C2CD2L: variants seen among roughly 807,000 people sequenced by gnomAD.
C2CD2L encodes phospholipid transfer protein C2CD2L.
In C2CD2L, 24 loss-of-function variants were observed where a neutral mutation model predicts 69.9. The ratio of observed to expected loss-of-function variants is 0.34; its 90% confidence interval spans 0.25 to 0.48. C2CD2L has a LOEUF of 0.48. Among genes scored for constraint, C2CD2L ranks in the 20% least tolerant of loss-of-function variants. C2CD2L has a pLI of 0.99. For synonymous variants in C2CD2L, 367 were observed against 391.0 expected (o/e 0.94, Z 0.72); for missense variants, 811 against 941.5 (o/e 0.86, Z 1.81).
In C2CD2L at chr11:119,108,110, G is replaced by T. The variant is rs771051907; in HGVS notation, c.354+15G>T. On this transcript the variant is annotated intron_variant, in intron 1 of 13. Coordinates refer to ENST00000648610, the MANE Select transcript of C2CD2L (RefSeq NM_001290474.2). ...GCAGAAACGGGGTGAGTTGGACCAA[G>T]CGCTTGGGTGGTCCCTTCAGCCTTT... 6.5e-7 allele frequency: 1 copy of T among 1,544,728 alleles called. No homozygotes were observed. The highest frequency in any genetic ancestry group is 8.8e-7 in the Non-Finnish European group (1 of 1,133,562).
intron 1 of C2CD2L, chr11:119,108,428 C>T (rs952587198): frequency 1.9e-5 from 5 of 267,480 alleles, no homozygotes; most frequent in South Asian, 1.2e-4. Flanking sequence ...GACAGGTGCA[C>T]CTGCAGAAGG....
Position 119,112,541 on chromosome 11 carries a change from A to C in C2CD2L, c.1144A>C (p.Arg382=). Residue 382 remains arginine (R), a synonymous_variant, in exon 9 of 14, where the codon AGA becomes CGA. Coordinates refer to ENST00000648610, the MANE Select transcript of C2CD2L (RefSeq NM_001290474.2). ...VGSPSRPLSR[R]QLCPLTPGPG... is the part of the protein sequence containing the mutation. The stretch of plus-strand genomic sequence containing the variant: ...CTCCCCCTCCAGACCACTGTCTCGA[A>C]GACAGTTGTGCCCACTCACCCCAGG... 2.5e-6 allele frequency: 4 copies of C among 1,613,556 alleles called. No homozygotes were observed. The highest frequency in any genetic ancestry group is 3.4e-6 in the Non-Finnish European group (4 of 1,179,850).
upstream of C2CD2L, among the ~76,000 whole-genome samples, chr11:119,103,890 G>C (rs1406943242): frequency 1.3e-5 from 2 of 152,164 alleles, no homozygotes; most frequent in African/African-American, 4.8e-5. Context: ...GTGTATGCAC[G>C]TGTGCCCCTT....
intron 10 of C2CD2L, chr11:119,113,261 G>A (rs973717648): frequency 2.6e-6 from 1 of 386,414 alleles, no homozygotes; most frequent in African/African-American, 2.0e-5. Flanking sequence ...AGAGGCCTCT[G>A]TGGCATTTCT....
In C2CD2L at chr11:119,117,096, A is replaced by T. The variant is rs2134980950; in HGVS notation, c.*840A>T. On this transcript the variant is annotated 3_prime_UTR_variant, in exon 14 of 14. Coordinates refer to ENST00000648610, the MANE Select transcript of C2CD2L (RefSeq NM_001290474.2). Reference sequence around the variant, plus strand: ...TGTGTGATGGCTTGGAATTTAATTTATTAAAGTCAAATTGGAGTTTATAAA... The same window carrying T: ...TGTGTGATGGCTTGGAATTTAATTTTTTAAAGTCAAATTGGAGTTTATAAA... 1 of 152,782 alleles carries T rather than the reference A, an allele frequency of 6.5e-6. No individual in the cohort carries two copies. Among genetic ancestry groups the T allele is most frequent in the South Asian group, 2.1e-4 (1 of 4,830 alleles). 9.5% of individuals were successfully genotyped at this position (152,782 alleles called of 1,614,324 possible).
intron 10 of C2CD2L, 34 bp from the exon 11 acceptor site, chr11:119,113,577 A>T (rs4938630): frequency 1.3e-6 from 2 of 1,594,558 alleles, no homozygotes; most frequent in South Asian, 2.3e-5. Context: ...CTCTGAAGCA[A>T]CTCCCAGCTC....
upstream of C2CD2L, among the ~76,000 whole-genome samples, chr11:119,103,482 A>G (rs1946542129): frequency 6.6e-6 from 1 of 152,128 alleles, no homozygotes; most frequent in Non-Finnish European, 1.5e-5. Context: ...GGCTCACTTG[A>G]GGTCAGGAGT....
At position 119,111,506 on chromosome 11, in the gene C2CD2L, T is replaced by C. The variant is rs1276757609; in HGVS notation, c.911-15T>C. The C allele has an allele frequency of 2.5e-6, 4 of 1,613,104 alleles. No individual in the cohort carries two copies. In the South Asian group the frequency reaches 4.4e-5, roughly 18 times the overall value. ...TCTCTGATCTGAGCATCTTCTAACT[T>C]CTGGTTCATCACAGGCACCGAGGAA... On this transcript the variant is annotated splice_polypyrimidine_tract_variant and intron_variant, in intron 6 of 13. Transcript: ENST00000648610.
rs1946892359 is a variant in C2CD2L, at chr11:119,116,309, T to C, written c.*53T>C. ...CTCTCAGCCCATTCCCCACCTCCCC[T>C]TCCATACCCCTTCCTGGATCTCCAG... On this transcript the variant is annotated 3_prime_UTR_variant, in exon 14 of 14. Transcript: ENST00000648610. 2 of 1,387,208 alleles carry C rather than the reference T, an allele frequency of 1.4e-6. No individual in the cohort carries two copies. Among genetic ancestry groups the C allele is most frequent in the Admixed American group, 3.4e-5 (2 of 58,510 alleles). 85.9% of individuals were successfully genotyped at this position (1,387,208 alleles called of 1,614,324 possible).
rs754543575 is a variant in C2CD2L at position 119,111,343 on chromosome 11, T to C, written c.879T>C (p.Leu293=). The part of the protein sequence containing the change: ...PRPNRLFLRQ[L]RASHLGNELE... Reference sequence around the variant, plus strand: ...CTAACCGGTTATTCCTACGGCAGCTTCGGGCATCTCACTTGGGAAATGAGC... The same window carrying C: ...CTAACCGGTTATTCCTACGGCAGCTCCGGGCATCTCACTTGGGAAATGAGC... The change falls in exon 6 of 14, where the codon CTT becomes CTC. Residue 293 remains leucine, a synonymous_variant. Coordinates refer to ENST00000648610, the MANE Select transcript of C2CD2L (RefSeq NM_001290474.2). 9.9e-6 allele frequency: 16 copies of C among 1,614,078 alleles called. No homozygotes were observed. Among genetic ancestry groups the C allele is most frequent in the Admixed American group, 5.0e-5 (3 of 60,008 alleles).
chr11:119,116,266 T>C lies in C2CD2L; in HGVS notation c.*10T>C, dbSNP rs758889752. 7 of 1,600,618 alleles carry C rather than the reference T, an allele frequency of 4.4e-6. No individual in the cohort carries two copies. Among genetic ancestry groups the C allele is most frequent in the Middle Eastern group, 1.7e-4 (1 of 6,040 alleles). ...CAGCCCCCAGCTCTGAGGACCCAGC[T>C]CTGAAAGGGCACGAGTTCTCTCAGC... On this transcript the variant is annotated 3_prime_UTR_variant, in exon 14 of 14. Transcript: ENST00000648610.
upstream of C2CD2L, among the ~76,000 whole-genome samples, chr11:119,105,146 T>C (rs1013965938): frequency 6.6e-6 from 1 of 152,208 alleles, no homozygotes; most frequent in Non-Finnish European, 1.5e-5. Context: ...CAAACTAATA[T>C]AATTGCAGTT....
chr11:119,116,030 C>T lies in C2CD2L; in HGVS notation c.1910-15C>T. 1.9e-6 allele frequency: 3 copies of T among 1,612,836 alleles called. No individual in the cohort carries two copies. The highest frequency in any genetic ancestry group is 2.5e-6 in the Non-Finnish European group (3 of 1,179,630). ...CGTGCCCCTCTCTGCCTCAGCTTCC[C>T]CTCTTCCCCTGCAGTGAGTTTCCTG... On this transcript the variant is annotated splice_polypyrimidine_tract_variant and intron_variant, in intron 13 of 13. Coordinates refer to ENST00000648610, the MANE Select transcript of C2CD2L (RefSeq NM_001290474.2).
chr11:119,110,884 T>C lies in C2CD2L; in HGVS notation c.608T>C (p.Leu203Pro), dbSNP rs1370657502. ...VNLEEIPGEG[L>P]LISWAFTDRP... is the part of the protein sequence containing the mutation. ...CTGGAGGAAATCCCTGGTGAGGGGC[T>C]GCTCATATCCTGGGCCTTCACTGAT... The change falls in exon 4 of 14, where the codon CTG becomes CCG. Residue 203 changes from leucine to proline, a missense_variant. Transcript: ENST00000648610. The surrounding 1 kb of genome is among the most constrained non-coding windows in gnomAD (Gnocchi z 5.7). The C allele has an allele frequency of 1.9e-6, 3 of 1,614,064 alleles. No individual in the cohort carries two copies. Among genetic ancestry groups the C allele is most frequent in the African/African-American group, 2.7e-5 (2 of 74,930 alleles).
chr11:119,115,962 C>T, intron 13 of C2CD2L, 83 bp from the exon 14 acceptor site: 1 of 1,130,404 alleles, frequency 8.8e-7, no homozygotes, highest in Admixed American at 2.0e-5. Flanking sequence ...ATCCTCTTTC[C>T]CTCCATTCTC....
rs771553488 is a variant in C2CD2L at position 119,113,993 on chromosome 11, C to A, written c.1623+5C>A. The A allele has an allele frequency of 9.0e-5, 145 of 1,613,904 alleles. No individual in the cohort carries two copies. Among genetic ancestry groups the A allele is most frequent in the Non-Finnish European group, 1.2e-4 (139 of 1,179,922 alleles). On this transcript the variant is annotated splice_donor_5th_base_variant and intron_variant, in intron 12 of 13. Coordinates refer to ENST00000648610, the MANE Select transcript of C2CD2L (RefSeq NM_001290474.2). ...ATCATCTCTGGTGTTTCCAAGGTAACAGGGCTCTGGGGAGAGGAGCTGGGA... is the reference window on the plus strand; with the variant it reads ...ATCATCTCTGGTGTTTCCAAGGTAAAAGGGCTCTGGGGAGAGGAGCTGGGA...
chr11:119,103,782 A>T (rs1231905007), upstream of C2CD2L, among the ~76,000 whole-genome samples: 1 of 152,246 alleles, frequency 6.6e-6, no homozygotes, highest in Non-Finnish European at 1.5e-5. Flanking sequence ...AAAAACCCAG[A>T]TATGTATAAA....
At chr11:119,108,652 A>G (rs1946656165) in intron 1 of C2CD2L, among the ~76,000 whole-genome samples, 1 of 152,132 alleles carries the variant, frequency 6.6e-6, no homozygotes, top group African/African-American at 2.4e-5. Flanking sequence ...CAGTGCCCCT[A>G]CCAGTAGATG....
At chr11:119,112,277 G>C (rs755076657) in intron 7 of C2CD2L, 51 bp from the exon 8 acceptor site, 1 of 1,541,718 alleles carries the variant, frequency 6.5e-7, no homozygotes, top group Non-Finnish European at 8.9e-7. Context: ...TCAAGTGTGG[G>C]TTCAGCTTGC....
Sources: allele counts gnomAD v4.1 joint callset (sites outside exome capture counted in the v4.1 genomes callset), GRCh38; gene constraint gnomAD v4.1.1; non-coding constraint Gnocchi (gnomAD v3.1); transcripts MANE v1.5; gene names NCBI Gene and HGNC (gene_info 2026-07-23, HGNC 2026-07-21).